LHFPL3: variants seen among roughly 807,000 people sequenced by gnomAD.
The protein encoded by LHFPL3 is LHFPL tetraspan subfamily member 3.
LHFPL3 carries 5 observed loss-of-function variants against 19.3 expected under a neutral mutation model. The ratio of observed to expected loss-of-function variants is 0.26; its 90% confidence interval spans 0.14 to 0.54. The LOEUF (loss-of-function observed/expected upper bound fraction) is 0.54. LHFPL3 is among the 20% of genes least tolerant of loss of function. LHFPL3 has a pLI of 0.94. For missense variants in LHFPL3, 249 were observed against 307.4 expected (o/e 0.81, Z 1.42); for synonymous variants, 133 against 126.2 (o/e 1.05, Z -0.36).
At chr7:104,622,984 G>A in intron 1 of LHFPL3, 2 of 364,250 alleles carry the variant, frequency 5.5e-6, no homozygotes, top group Admixed American at 2.8e-5. Context: ...TAGCTATCCT[G>A]GAGGATGCTC....
intron 2 of LHFPL3, among the ~76,000 whole-genome samples, chr7:104,822,668 C>G (rs887794565): frequency 2.6e-5 from 4 of 152,086 alleles, no homozygotes; most frequent in African/African-American, 9.7e-5. Flanking sequence ...ACAAAGGCAC[C>G]CTGTGGGCTG....
intron 1 of LHFPL3, among the ~76,000 whole-genome samples, chr7:104,493,334 C>T (rs770995421): frequency 6.6e-6 from 1 of 151,768 alleles, no homozygotes; most frequent in Non-Finnish European, 1.5e-5. Flanking sequence ...GTATTTTGAT[C>T]CTTAGCTCCT....
At chr7:104,334,328 C>T (rs1407032309) in intron 1 of LHFPL3, among the ~76,000 whole-genome samples, 12 of 152,302 alleles carry the variant, frequency 7.9e-5, no homozygotes, top group Admixed American at 6.5e-5. Context: ...GGGCAGATCA[C>T]CTGAGGTCAG....
At chr7:104,357,023 C>T (rs993584217) in intron 1 of LHFPL3, among the ~76,000 whole-genome samples, 10 of 53,978 alleles carry the variant, frequency 1.9e-4, no homozygotes, top group African/African-American at 8.5e-4. Flanking sequence ...GACTTGGGGT[C>T]CCCAAATTAC....
At chr7:104,420,559 T>A (rs936260201) in intron 1 of LHFPL3, among the ~76,000 whole-genome samples, 15,838 of 143,068 alleles carry the variant, frequency 0.11, 981 homozygotes, top group East Asian at 0.27. Flanking sequence ...GGTGAATTTT[T>A]TTTTTTTTTT....
chr7:104,351,031 C>A (rs1226756485), intron 1 of LHFPL3, among the ~76,000 whole-genome samples: 6 of 137,380 alleles, frequency 4.4e-5, no homozygotes, highest in African/African-American at 1.6e-4. Flanking sequence ...CAGAGCAAGA[C>A]TCCCTCTAAA....
chr7:104,878,552 C>G (rs1274444290), intron 2 of LHFPL3, among the ~76,000 whole-genome samples: 1 of 152,076 alleles, frequency 6.6e-6, no homozygotes, highest in Non-Finnish European at 1.5e-5. Flanking sequence ...AGCCATTCCC[C>G]CATCTCTTTC....
intron 1 of LHFPL3, among the ~76,000 whole-genome samples, chr7:104,453,203 G>C (rs1333236861): frequency 6.6e-6 from 1 of 151,506 alleles, no homozygotes; most frequent in Non-Finnish European, 1.5e-5. Flanking sequence ...GGGCAGAGAA[G>C]TTGAACTCAA....
At chr7:104,442,266 TGTA>T (rs1792242305) in intron 1 of LHFPL3, among the ~76,000 whole-genome samples, 1 of 151,944 alleles carries the variant, frequency 6.6e-6, no homozygotes, top group South Asian at 2.1e-4. Context: ...GCTGCTGAAT[TGTA>T]GTGGTTCCTT....
intron 1 of LHFPL3, among the ~76,000 whole-genome samples, chr7:104,337,823 A>G (rs1203403355): frequency 1.3e-5 from 2 of 152,200 alleles, no homozygotes; most frequent in African/African-American, 4.8e-5. Context: ...GATATTGTGG[A>G]TCTGTGTGAT....
At chr7:104,839,393 G>C (rs981538428) in intron 2 of LHFPL3, among the ~76,000 whole-genome samples, 1 of 152,156 alleles carries the variant, frequency 6.6e-6, no homozygotes, top group African/African-American at 2.4e-5. Context: ...GGGGCCAAGC[G>C]TGGTGGCTCA....
chr7:104,370,412 C>G (rs1336962495), intron 1 of LHFPL3, among the ~76,000 whole-genome samples: 1 of 152,182 alleles, frequency 6.6e-6, no homozygotes, highest in Non-Finnish European at 1.5e-5. Flanking sequence ...CCACCGCCCT[C>G]CCCTTTCCAT....
chr7:104,812,493 CA>C lies in LHFPL3; in HGVS notation c.682+75591del, dbSNP rs200237350. Reference sequence around the variant, plus strand: ...CAACATAATGAGACCCCCATGTCTACAAAAAAAAATTTTTTTTTTAATTAGA... The same window carrying C: ...CAACATAATGAGACCCCCATGTCTACAAAAAAAATTTTTTTTTTAATTAGA... On this transcript the variant is annotated intron_variant, in intron 2 of 2. Coordinates refer to ENST00000424859, the MANE Select transcript of LHFPL3 (RefSeq NM_199000.3). Among the ~76,000 whole-genome samples the C allele has an allele frequency of 6.6e-3, 1,004 of 151,350 alleles. 11 individuals are homozygous for C. The highest frequency in any genetic ancestry group is 0.023 in the African/African-American group (953 of 41,248).
intron 2 of LHFPL3, among the ~76,000 whole-genome samples, chr7:104,891,688 C>G (rs1446558194): frequency 6.6e-6 from 1 of 152,180 alleles, no homozygotes; most frequent in African/African-American, 2.4e-5. Flanking sequence ...TTCTAAGAAC[C>G]AGAAATCTGT....
At chr7:104,558,294 A>G (rs1369750199) in intron 1 of LHFPL3, among the ~76,000 whole-genome samples, 2 of 148,600 alleles carry the variant, frequency 1.3e-5, no homozygotes, top group Non-Finnish European at 3.0e-5. Flanking sequence ...CAGTCCCACC[A>G]ACAGTGTAAA....
At chr7:104,575,625 G>T (rs956343848) in intron 1 of LHFPL3, among the ~76,000 whole-genome samples, 1 of 147,780 alleles carries the variant, frequency 6.8e-6, no homozygotes, top group African/African-American at 2.5e-5. Flanking sequence ...CCAATGGTGG[G>T]CTTCTTTGCT....
intron 1 of LHFPL3, among the ~76,000 whole-genome samples, chr7:104,721,853 C>T (rs1793498548): frequency 6.6e-6 from 1 of 152,030 alleles, no homozygotes; most frequent in Non-Finnish European, 1.5e-5. Flanking sequence ...TAAAGTGTGC[C>T]CCATACATGG....
intron 1 of LHFPL3, chr7:104,669,628 G>A (rs917117382): frequency 3.5e-5 from 52 of 1,491,110 alleles, no homozygotes; most frequent in African/African-American, 2.4e-4. Context: ...TGGAACATTC[G>A]AGAGCAAATC....
At chr7:104,739,870 C>G (rs953972418) in intron 2 of LHFPL3, among the ~76,000 whole-genome samples, 1 of 152,180 alleles carries the variant, frequency 6.6e-6, no homozygotes, top group African/African-American at 2.4e-5. Context: ...AAGGGATACA[C>G]ACTGTAATGT....
Sources: gnomAD v4.1 joint callset for allele counts (sites outside exome capture counted in the v4.1 genomes callset) on GRCh38, gnomAD v4.1.1 for gene constraint, MANE v1.5 for transcripts, NCBI Gene and HGNC (gene_info 2026-07-23, HGNC 2026-07-21) for gene names.